Variants in EFEMP1 observed in about 807,000 individuals in gnomAD.
The protein encoded by EFEMP1 is EGF-containing fibulin-like extracellular matrix protein 1.
A neutral mutation model predicts 65.7 loss-of-function variants in EFEMP1; 18 were observed. That is an observed-to-expected ratio of 0.27 (90% CI 0.19 to 0.41). EFEMP1 has a LOEUF of 0.41. EFEMP1 is among the 10% of genes least tolerant of loss of function. The probability of loss-of-function intolerance (pLI) is 1.00; values close to 1 mark genes in which losing one functional copy is unlikely to be tolerated. For missense variants in EFEMP1, 469 were observed against 624.8 expected (o/e 0.75, Z 2.66); for synonymous variants, 237 against 219.7 (o/e 1.08, Z -0.70).
intron 5 of EFEMP1, among the ~76,000 whole-genome samples, chr2:55,909,246 A>G (rs906895662): frequency 1.3e-5 from 2 of 152,192 alleles, no homozygotes; most frequent in Non-Finnish European, 2.9e-5. Flanking sequence ...CAAACAACAT[A>G]TACTAATTGC....
rs139048977 is a variant in EFEMP1, at chr2:55,872,071, AC to A, written c.1001-949del. Among the ~76,000 whole-genome samples the A allele has an allele frequency of 5.9e-3, 852 of 143,420 alleles. 8 individuals are homozygous for A. The highest frequency in any genetic ancestry group is 0.021 in the African/African-American group (798 of 37,680). The allele number at this position is 143,420 out of a possible 152,430, so 94.1% of individuals were successfully genotyped here. The stretch of plus-strand genomic sequence containing the variant: ...TTACTAGAGAGCCATTACATTTATA[AC>A]AACAACAACAACAACAATAAAAATA... On this transcript the variant is annotated intron_variant, in intron 9 of 11. Transcript: ENST00000355426.
rs559631008 is a variant in EFEMP1, at chr2:55,904,140, A to G, written c.517+13525T>C. On this transcript the variant is annotated intron_variant, in intron 5 of 11. Transcript: ENST00000355426. Reference sequence around the variant, plus strand: ...CTCCCTGAATTTTTGCTTTTTCCTTAGAAGACTGATTTTCATACTTGAGTG... The same window carrying G: ...CTCCCTGAATTTTTGCTTTTTCCTTGGAAGACTGATTTTCATACTTGAGTG... Among the ~76,000 whole-genome samples the G allele has an allele frequency of 2.0e-5, 3 of 152,246 alleles. 1 individual carries two copies. In the South Asian group the frequency reaches 6.2e-4, roughly 32 times the overall value.
chr2:55,918,114 T>C, intron 4 of EFEMP1, 63 bp from the exon 5 acceptor site: 4 of 1,613,364 alleles, frequency 2.5e-6, no homozygotes, highest in Non-Finnish European at 3.4e-6. Flanking sequence ...CATGTAAATA[T>C]AATGCTCATG....
chr2:55,901,323 TTTTTG>T (rs1333014679), intron 5 of EFEMP1, among the ~76,000 whole-genome samples: 3 of 152,190 alleles, frequency 2.0e-5, no homozygotes, highest in Non-Finnish European at 4.4e-5. Flanking sequence ...GTCCTTAAAG[TTTTTG>T]TTTTATGAAA....
intron 11 of EFEMP1, among the ~76,000 whole-genome samples, chr2:55,869,143 T>C (rs777047371): frequency 5.9e-5 from 9 of 152,158 alleles, no homozygotes; most frequent in African/African-American, 9.6e-5. Flanking sequence ...TGCACTGATA[T>C]GAATAATAAA....
intron 6 of EFEMP1, 49 bp downstream of exon 6, chr2:55,881,563 A>G (rs200122325): frequency 5.6e-6 from 9 of 1,611,254 alleles, no homozygotes; most frequent in South Asian, 1.1e-5. Context: ...AGGTTGAAAC[A>G]GTTAAGGTAC....
chr2:55,877,162 G>A lies in EFEMP1; in HGVS notation c.761-420C>T, dbSNP rs1669069029. ...ATATGGTCTCTCAGCATGCTGTACT[G>A]AAGATTTATCTGTGCTATTTATTAC... On this transcript the variant is annotated intron_variant, in intron 7 of 11. Transcript: ENST00000355426. This position sits in a 1 kb window ranked among gnomAD's most constrained non-coding sequence, Gnocchi z 4.5. Among the ~76,000 whole-genome samples, 1 of 152,128 alleles carries A rather than the reference G, an allele frequency of 6.6e-6. No individual in the cohort carries two copies. Among genetic ancestry groups the A allele is most frequent in the East Asian group, 1.9e-4 (1 of 5,202 alleles).
Position 55,881,616 on chromosome 2 carries a change from G to A in EFEMP1, c.636C>T (p.Cys212=), listed in dbSNP as rs771544911. The change falls in exon 6 of 12, where the codon TGC becomes TGT. Residue 212 remains cysteine, a synonymous_variant. Transcript: ENST00000355426. ...TCACTGCACTGTGGTACTTACCTAC[G>A]CACTGCTCCCCTCGCTTCTGATATC... ...PPGYQKRGEQ[C]VDIDECTIPP... is the part of the protein sequence containing the mutation. 6.2e-6 allele frequency: 10 copies of A among 1,613,466 alleles called. No homozygotes were observed. In the African/African-American group the frequency reaches 6.7e-5, roughly 11 times the overall value.
At chr2:55,887,637 C>T (rs73940335) in intron 5 of EFEMP1, among the ~76,000 whole-genome samples, 1,679 of 152,242 alleles carry the variant, frequency 0.011, 33 homozygotes, top group African/African-American at 0.037. Flanking sequence ...TATTAAGTAA[C>T]AAGAGAGAAC....
intron 8 of EFEMP1, 72 bp from the exon 9 acceptor site, chr2:55,875,137 T>C: frequency 1.9e-6 from 1 of 529,034 alleles, no homozygotes; most frequent in Admixed American, 5.1e-5. Flanking sequence ...TATATATATA[T>C]ATATAAATTA....
intron 5 of EFEMP1, among the ~76,000 whole-genome samples, chr2:55,895,458 C>T (rs1373782451): frequency 2.6e-5 from 4 of 152,212 alleles, no homozygotes; most frequent in African/African-American, 9.6e-5. Flanking sequence ...AGTAAAGACT[C>T]CCCTTGGGGG....
chr2:55,900,612 C>T (rs1240865743), intron 5 of EFEMP1, among the ~76,000 whole-genome samples: 1 of 152,072 alleles, frequency 6.6e-6, no homozygotes, highest in Non-Finnish European at 1.5e-5. Context: ...AAACCCAAAA[C>T]TTTGCTTTGG....
intron 9 of EFEMP1, among the ~76,000 whole-genome samples, chr2:55,874,483 C>T (rs3791677): frequency 1.3e-5 from 2 of 151,948 alleles, no homozygotes; most frequent in Non-Finnish European, 2.9e-5. Context: ...AAATATTCAA[C>T]TATATTTTAC....
At chr2:55,881,839 T>C (rs1669255325) in intron 5 of EFEMP1, 105 bp from the exon 6 acceptor site, 5 of 1,381,640 alleles carry the variant, frequency 3.6e-6, no homozygotes, top group Non-Finnish European at 5.1e-6. Context: ...TTCTTAAAAG[T>C]TTATAATGTT....
chr2:55,872,018 C>G (rs984077913), intron 9 of EFEMP1, among the ~76,000 whole-genome samples: 1 of 151,982 alleles, frequency 6.6e-6, no homozygotes, highest in Non-Finnish European at 1.5e-5. Context: ...GAATCAGAAG[C>G]CTCCAGATGA....
Position 55,867,087 on chromosome 2 carries a change from G to A in EFEMP1, c.1468C>T (p.Pro490Ser). 3.7e-6 allele frequency: 6 copies of A among 1,612,642 alleles called. No homozygotes were observed. In the South Asian group the frequency reaches 6.6e-5, roughly 18 times the overall value. The change falls in exon 12 of 12, where the codon CCA becomes TCA. Residue 490 changes from proline to serine, a missense_variant. Pro to Ser is a moderately conservative substitution (Grantham distance 74, BLOSUM62 -1). This residue lies in a region of EFEMP1 where 399 missense variants were observed against 528.2 expected (regional missense o/e 0.76). Coordinates refer to ENST00000355426, the MANE Select transcript of EFEMP1 (RefSeq NM_001039348.3). The surrounding 1 kb of genome is among the most constrained non-coding windows in gnomAD (Gnocchi z 4.3). Reference protein sequence around the residue: ...SVLRLTIIVGPFSF With the variant: ...SVLRLTIIVGSFSF ...CTTAGAAAAGACTAAAATGAAAATG[G>A]CCCCACTATTATTGTCAATCTTAAC...
chr2:55,898,548 A>C (rs1669916465), intron 5 of EFEMP1, among the ~76,000 whole-genome samples: 1 of 152,116 alleles, frequency 6.6e-6, no homozygotes, highest in South Asian at 2.1e-4. Context: ...TCAGACTGAC[A>C]TAGGCCCTTA....
At chr2:55,904,519 C>A (rs1296486197) in intron 5 of EFEMP1, among the ~76,000 whole-genome samples, 1 of 152,184 alleles carries the variant, frequency 6.6e-6, no homozygotes, top group Non-Finnish European at 1.5e-5. Flanking sequence ...ATGGCCCTCA[C>A]CAAAGCAGGT....
chr2:55,872,329 G>C (rs189771312), intron 9 of EFEMP1, among the ~76,000 whole-genome samples: 2 of 152,008 alleles, frequency 1.3e-5, no homozygotes, highest in African/African-American at 4.8e-5. Flanking sequence ...CTTTTTTAAG[G>C]GCCTTTATTG....
Sources: gnomAD v4.1 joint callset for allele counts (sites outside exome capture counted in the v4.1 genomes callset) on GRCh38, gnomAD v4.1.1 for gene constraint, gnomAD v4.1.1 regional missense constraint, Gnocchi (gnomAD v3.1) non-coding constraint, MANE v1.5 for transcripts, NCBI Gene and HGNC (gene_info 2026-07-23, HGNC 2026-07-21) for gene names.